TSACC: variants seen among roughly 807,000 people sequenced by gnomAD.
The protein encoded by TSACC is TSSK6-activating co-chaperone protein.
In TSACC, 3 loss-of-function variants were observed where a neutral mutation model predicts 6.9. The observed-to-expected ratio is 0.43, with a 90% CI of 0.20 to 1.12. The LOEUF (loss-of-function observed/expected upper bound fraction) is 1.12. Ranked by LOEUF, TSACC falls within the 50% of genes most tolerant of loss-of-function variation. The probability of loss-of-function intolerance (pLI) is 0.28; values close to 1 mark genes in which losing one functional copy is unlikely to be tolerated. For synonymous variants in TSACC, 54 were observed against 55.1 expected (o/e 0.98, Z 0.09); for missense variants, 137 against 143.9 (o/e 0.95, Z 0.24).
chr1:156,346,004 G>C (rs1022966395), intron 3 of TSACC, among the ~76,000 whole-genome samples: 3 of 151,528 alleles, frequency 2.0e-5, no homozygotes, highest in African/African-American at 7.3e-5. Flanking sequence ...GACCAGCCTG[G>C]GCAACGTGGT....
At chr1:156,339,470 T>G (rs999287375) in intron 1 of TSACC, among the ~76,000 whole-genome samples, 164 bp from the exon 2 acceptor site, 3 of 151,846 alleles carry the variant, frequency 2.0e-5, no homozygotes, top group African/African-American at 7.3e-5. Flanking sequence ...TCAGAGACGT[T>G]TAAGGTTTGG....
intron 2 of TSACC, among the ~76,000 whole-genome samples, chr1:156,343,670 A>G (rs574423688): frequency 6.6e-6 from 1 of 152,166 alleles, no homozygotes; most frequent in South Asian, 2.1e-4. Flanking sequence ...TCACAGGCCA[A>G]TCCTTGTTAG....
At chr1:156,344,556 C>T in intron 2 of TSACC, 24 bp from the exon 3 acceptor site, 1 of 1,611,150 alleles carries the variant, frequency 6.2e-7, no homozygotes, top group Non-Finnish European at 8.5e-7. Context: ...GGAATGAGCT[C>T]TGATTTAGTT....
intron 2 of TSACC, 57 bp from the exon 3 acceptor site, chr1:156,344,523 A>G (rs1054744808): frequency 5.7e-6 from 9 of 1,590,666 alleles, no homozygotes; most frequent in Non-Finnish European, 6.9e-6. Context: ...GCAGGGATCT[A>G]ATTAGAAAGG....
intron 2 of TSACC, among the ~76,000 whole-genome samples, chr1:156,341,589 CTGCCTCCTTT>C (rs1173386045): frequency 6.6e-6 from 1 of 152,188 alleles, no homozygotes; most frequent in African/African-American, 2.4e-5. Context: ...ATCCTCTGTT[CTGCCTCCTTT>C]TGCCTCTCTC....
chr1:156,338,256 A>G (rs1241793425), upstream of TSACC: 3 of 1,506,028 alleles, frequency 2.0e-6, no homozygotes, highest in Admixed American at 2.0e-5. Flanking sequence ...AGAGAACCAG[A>G]CAGAAGCCCA....
Position 156,344,635 on chromosome 1 carries a change from C to A in TSACC, c.90C>A (p.Pro30=). ...AVPLCRAKPS[P]SYINLQASSP... ...CTCTCTGTAGAGCAAAACCCTCCCC[C>A]AGCTATATTAATCTTCAAGCAAGTT... The change falls in exon 3 of 4, where the codon CCC becomes CCA. Residue 30 remains proline, a synonymous_variant. Coordinates refer to ENST00000368254, the MANE Select transcript of TSACC (RefSeq NM_001304817.2). The A allele has an allele frequency of 6.2e-7, 1 of 1,614,082 alleles. No homozygotes were observed. Among genetic ancestry groups the A allele is most frequent in the Non-Finnish European group, 8.5e-7 (1 of 1,180,006 alleles).
intron 2 of TSACC, among the ~76,000 whole-genome samples, chr1:156,343,593 G>A (rs555867667): frequency 3.9e-5 from 6 of 152,260 alleles, no homozygotes; most frequent in African/African-American, 1.4e-4. Flanking sequence ...TACCTCATGC[G>A]CCTAATCCCT....
At chr1:156,337,822 G>A, upstream of TSACC, 1 of 386,110 alleles carries the variant, frequency 2.6e-6, no homozygotes, top group Non-Finnish European at 4.7e-6. Context: ...CGTTATTCGT[G>A]CAGCTACATA....
chr1:156,339,578 C>A, intron 1 of TSACC, 56 bp from the exon 2 acceptor site: 1 of 673,376 alleles, frequency 1.5e-6, no homozygotes, highest in Non-Finnish European at 2.5e-6. Context: ...ACCAACAGTT[C>A]AAGAACAGTC....
chr1:156,345,284 T>G (rs1275769349), intron 3 of TSACC, among the ~76,000 whole-genome samples: 16 of 152,226 alleles, frequency 1.1e-4, no homozygotes, highest in Admixed American at 1.0e-3. Flanking sequence ...AAAAAGTGGC[T>G]GGGCACGGTA....
rs1238865314 is a variant in TSACC at position 156,346,754 on chromosome 1, T to C, written c.164-14T>C. On this transcript the variant is annotated splice_polypyrimidine_tract_variant and intron_variant, in intron 3 of 3. Transcript: ENST00000368254. ...CTTTGTTCCCTTGCACCTCCGTTGC[T>C]TTTCCTTCTGGAGTTGATCACAAGC... The C allele has an allele frequency of 1.2e-6, 2 of 1,613,110 alleles. No homozygotes were observed. Among genetic ancestry groups the C allele is most frequent in the East Asian group, 2.2e-5 (1 of 44,878 alleles).
intron 2 of TSACC, among the ~76,000 whole-genome samples, chr1:156,342,465 T>G (rs1248359282): frequency 1.3e-5 from 2 of 152,228 alleles, no homozygotes; most frequent in African/African-American, 4.8e-5. Context: ...CACCCACATA[T>G]AAGCACTTCT....
intron 3 of TSACC, 107 bp downstream of exon 3, chr1:156,344,815 G>A: frequency 7.3e-7 from 1 of 1,360,984 alleles, no homozygotes; most frequent in Non-Finnish European, 1.0e-6. Context: ...TCTATGTTAG[G>A]CATCTATAGA....
chr1:156,342,056 C>T (rs750689443), intron 2 of TSACC, among the ~76,000 whole-genome samples: 38 of 142,724 alleles, frequency 2.7e-4, no homozygotes, highest in Non-Finnish European at 5.3e-4. Context: ...AGCAAGACTC[C>T]GTCTCCAAAA....
At position 156,346,938 on chromosome 1, in the gene TSACC, T is replaced by A. The variant is rs755876225; in HGVS notation, c.334T>A (p.Ser112Thr). 6.2e-7 allele frequency: 1 copy of A among 1,614,204 alleles called. No individual in the cohort carries two copies. The highest frequency in any genetic ancestry group is 1.1e-5 in the South Asian group (1 of 91,078). ...CAATAACTCTTCTCTCCCAGCCTTA[T>A]CTCCTAATCCATTGTTAAATCACCT... The part of the protein sequence containing the change: ...GSNNSSLPAL[S>T]PNPLLNHLPQ... Residue 112 changes from serine to threonine, a missense_variant, in exon 4 of 4, where the codon TCT becomes ACT. Ser to Thr is a moderately conservative substitution (Grantham distance 58). Transcript: ENST00000368254.
At position 156,346,669 on chromosome 1, in the gene TSACC, A is replaced by G. The variant is rs566255172; in HGVS notation, c.164-99A>G. 2.2e-4 allele frequency: 263 copies of G among 1,200,532 alleles called. 1 individual carries two copies. Among genetic ancestry groups the G allele is most frequent in the Non-Finnish European group, 2.8e-4 (228 of 824,848 alleles). 74.4% of individuals were successfully genotyped at this position (1,200,532 alleles called of 1,614,324 possible). ...TCTGGGTTGGGTTGTGCCTGGAAAG[A>G]TTGGAGAGGTCATTTTATTAGGGTC... On this transcript the variant is annotated intron_variant, in intron 3 of 3. Transcript: ENST00000368254.
At chr1:156,344,517 G>T in intron 2 of TSACC, 63 bp from the exon 3 acceptor site, 3 of 1,577,482 alleles carry the variant, frequency 1.9e-6, no homozygotes, top group East Asian at 2.3e-5. Context: ...CCAGGTGCAG[G>T]GATCTAATTA....
intron 2 of TSACC, among the ~76,000 whole-genome samples, chr1:156,340,495 CTT>C (rs1410273700): frequency 2.7e-5 from 3 of 111,144 alleles, no homozygotes; most frequent in Non-Finnish European, 5.3e-5. Flanking sequence ...GAGTTTTGCT[CTT>C]GTTGCCTAGG....
Sources: allele counts gnomAD v4.1 joint callset (sites outside exome capture counted in the v4.1 genomes callset), GRCh38; gene constraint gnomAD v4.1.1; transcripts MANE v1.5; gene names NCBI Gene and HGNC (gene_info 2026-07-23, HGNC 2026-07-21).